The following KCTD8 variants were observed in gnomAD, a reference collection of about 807,000 sequenced individuals.
KCTD8 encodes the protein BTB/POZ domain-containing protein KCTD8.
In KCTD8, 27 loss-of-function variants were observed where a neutral mutation model predicts 31.5. The ratio of observed to expected loss-of-function variants is 0.86; its 90% confidence interval spans 0.63 to 1.18. The LOEUF (loss-of-function observed/expected upper bound fraction) is 1.18, where lower values mean the gene tolerates loss of function less well. Ranked by LOEUF, KCTD8 falls within the 50% of genes most tolerant of loss-of-function variation. KCTD8 has a pLI of 0.00. For synonymous variants in KCTD8, 290 were observed against 280.0 expected (o/e 1.04, Z -0.36); for missense variants, 658 against 647.7 (o/e 1.02, Z -0.17).
At chr4:44,189,067 T>A (rs1713680470) in intron 1 of KCTD8, among the ~76,000 whole-genome samples, 2 of 152,224 alleles carry the variant, frequency 1.3e-5, no homozygotes, top group Non-Finnish European at 2.9e-5. Flanking sequence ...TTGTCCTTAA[T>A]AACTGGATGA....
chr4:44,430,121 AGTACTAAAG>A (rs1389819239), intron 1 of KCTD8, among the ~76,000 whole-genome samples: 7 of 151,920 alleles, frequency 4.6e-5, no homozygotes, highest in Admixed American at 1.3e-4. Flanking sequence ...ACTGTCAGCC[AGTACTAAAG>A]GTCTATTGAA....
At chr4:44,192,028 C>T (rs114950496) in intron 1 of KCTD8, among the ~76,000 whole-genome samples, 2,002 of 152,208 alleles carry the variant, frequency 0.013, 28 homozygotes, top group Non-Finnish European at 0.018. Flanking sequence ...TCACCCCTGG[C>T]GGCCCAGCTG....
chr4:44,301,180 T>A (rs1002063185), intron 1 of KCTD8, among the ~76,000 whole-genome samples: 5 of 152,308 alleles, frequency 3.3e-5, no homozygotes, highest in Non-Finnish European at 1.5e-5. Flanking sequence ...TAAACATATG[T>A]GTGCATGTGT....
chr4:44,221,562 A>T (rs941359932), intron 1 of KCTD8, among the ~76,000 whole-genome samples: 5 of 152,300 alleles, frequency 3.3e-5, no homozygotes, highest in Admixed American at 3.3e-4. Flanking sequence ...CAAAACCCTC[A>T]AAAGTAGGGA....
rs772921651 is a variant in KCTD8 at position 44,448,573 on chromosome 4, TC to T, written c.-51del. The T allele has an allele frequency of 3.2e-5, 44 of 1,388,330 alleles. No individual in the cohort carries two copies. Among genetic ancestry groups the T allele is most frequent in the Non-Finnish European group, 4.0e-5 (43 of 1,075,116 alleles). 86.0% of individuals were successfully genotyped at this position (1,388,330 alleles called of 1,614,324 possible). ...ACCCGAGAGAGCTGCACTTTCTCGTTCCCGGAGCCCGCGCCCCAGCCCTCCG... is the reference window on the plus strand; with the variant it reads ...ACCCGAGAGAGCTGCACTTTCTCGTTCCGGAGCCCGCGCCCCAGCCCTCCG... On this transcript the variant is annotated 5_prime_UTR_variant, in exon 1 of 2. Coordinates refer to ENST00000360029, the MANE Select transcript of KCTD8 (RefSeq NM_198353.3). The surrounding 1 kb of genome is among the most constrained non-coding windows in gnomAD (Gnocchi z 4.1).
chr4:44,219,823 C>T (rs960148955), intron 1 of KCTD8, among the ~76,000 whole-genome samples: 4 of 152,128 alleles, frequency 2.6e-5, no homozygotes, highest in Admixed American at 6.6e-5. Context: ...ATAAAAATAA[C>T]ATTTATTCTA....
chr4:44,397,478 C>T (rs559143829), intron 1 of KCTD8, among the ~76,000 whole-genome samples: 13 of 151,914 alleles, frequency 8.6e-5, no homozygotes, highest in Non-Finnish European at 1.5e-4. Flanking sequence ...TACCCACTGG[C>T]ACATACACAT....
chr4:44,235,435 ATCTC>A (rs1260634635), intron 1 of KCTD8, among the ~76,000 whole-genome samples: 18 of 146,286 alleles, frequency 1.2e-4, no homozygotes, highest in Admixed American at 1.1e-3. Context: ...ATACATAAAC[ATCTC>A]TCTATCTGTA....
intron 1 of KCTD8, among the ~76,000 whole-genome samples, chr4:44,341,315 T>C (rs1186470648): frequency 1.3e-5 from 2 of 152,168 alleles, no homozygotes; most frequent in Non-Finnish European, 2.9e-5. Flanking sequence ...AAGGGTGGTG[T>C]TTGCAGAACC....
intron 1 of KCTD8, among the ~76,000 whole-genome samples, chr4:44,383,799 A>G (rs1720136772): frequency 1.3e-5 from 2 of 152,052 alleles, no homozygotes. Flanking sequence ...TCAAAAGCAC[A>G]GGCAGCAAAA....
intron 1 of KCTD8, among the ~76,000 whole-genome samples, chr4:44,282,626 T>C (rs796957065): frequency 3.0e-4 from 45 of 152,154 alleles, no homozygotes; most frequent in African/African-American, 9.9e-4. Flanking sequence ...ACAGCCCAAG[T>C]TGTGAATGCA....
rs537603366 is a variant in KCTD8, at chr4:44,254,999, C to A, written c.962-79749G>T. ...GCCAGTGTCCTAGGGGTTTCCACAC[C>A]CCAGAAATAATTTTCTTATTGAGGA... On this transcript the variant is annotated intron_variant, in intron 1 of 1. Coordinates refer to ENST00000360029, the MANE Select transcript of KCTD8 (RefSeq NM_198353.3). Among the ~76,000 whole-genome samples, 479 of 151,902 alleles carry A rather than the reference C, an allele frequency of 3.2e-3. 4 individuals carry two copies. Among genetic ancestry groups the A allele is most frequent in the African/African-American group, 0.011 (458 of 41,464 alleles).
intron 1 of KCTD8, among the ~76,000 whole-genome samples, chr4:44,181,806 G>A (rs909724444): frequency 8.6e-5 from 13 of 150,486 alleles, no homozygotes; most frequent in African/African-American, 1.5e-4. Context: ...AGTGAGGAGC[G>A]TCTCTGCCCG....
Position 44,431,940 on chromosome 4 carries a change from C to T in KCTD8, c.961+15623G>A, listed in dbSNP as rs1721516473. On this transcript the variant is annotated intron_variant, in intron 1 of 1. Coordinates refer to ENST00000360029, the MANE Select transcript of KCTD8 (RefSeq NM_198353.3). ...CTCTGGAATATAAGAGCATGGGCTT[C>T]CCTAGACAAAATTATGAAATACGGT... is the stretch of plus-strand genomic sequence containing the variant. Among the ~76,000 whole-genome samples, 5 of 151,532 alleles carry T rather than the reference C, an allele frequency of 3.3e-5. No individual in the cohort carries two copies. The South Asian group carries it at 1.0e-3, about 31-fold the overall frequency.
intron 1 of KCTD8, among the ~76,000 whole-genome samples, chr4:44,210,596 A>G (rs891527225): frequency 6.6e-6 from 1 of 152,204 alleles, no homozygotes; most frequent in Non-Finnish European, 1.5e-5. Context: ...AAACTCCCAT[A>G]AGATTTCAGT....
At chr4:44,258,222 T>C (rs762522827) in intron 1 of KCTD8, among the ~76,000 whole-genome samples, 5 of 151,976 alleles carry the variant, frequency 3.3e-5, no homozygotes, top group Non-Finnish European at 7.4e-5. Context: ...TATCTAAATA[T>C]TCCAAATATG....
At chr4:44,347,180 A>G (rs1719056592) in intron 1 of KCTD8, among the ~76,000 whole-genome samples, 1 of 152,238 alleles carries the variant, frequency 6.6e-6, no homozygotes, top group Admixed American at 6.5e-5. Flanking sequence ...AATTGCTCAC[A>G]TTATTTCAAA....
intron 1 of KCTD8, among the ~76,000 whole-genome samples, chr4:44,421,358 T>C (rs1721205956): frequency 2.6e-5 from 4 of 152,122 alleles, no homozygotes; most frequent in Admixed American, 2.6e-4. Flanking sequence ...CATGACCTCA[T>C]ACTTTAAGTG....
chr4:44,295,626 T>G (rs1179967335), intron 1 of KCTD8, among the ~76,000 whole-genome samples: 2 of 152,216 alleles, frequency 1.3e-5, no homozygotes, highest in African/African-American at 4.8e-5. Flanking sequence ...CAGGCTATTT[T>G]GTGTTGCTAT....
Sources: gnomAD v4.1 joint callset for allele counts (sites outside exome capture counted in the v4.1 genomes callset) on GRCh38, gnomAD v4.1.1 for gene constraint, Gnocchi (gnomAD v3.1) non-coding constraint, MANE v1.5 for transcripts, NCBI Gene and HGNC (gene_info 2026-07-23, HGNC 2026-07-21) for gene names.